Variants in SLC24A4 observed in about 807,000 individuals in gnomAD.
SLC24A4 encodes solute carrier family 24 member 4.
Under a neutral mutation model 79.0 loss-of-function variants are expected in SLC24A4, and 53 were observed. The observed-to-expected ratio is 0.67, with a 90% CI of 0.54 to 0.84. The LOEUF (loss-of-function observed/expected upper bound fraction) is 0.84, where lower values mean the gene tolerates loss of function less well. Among genes scored for constraint, SLC24A4 ranks in the 40% least tolerant of loss-of-function variants. The pLI is 0.00. For missense variants in SLC24A4, 731 were observed against 822.0 expected, an observed-to-expected ratio of 0.89 and a Z score of 1.35; for synonymous variants, 323 against 323.8, an observed-to-expected ratio of 1.00 and a Z score of 0.03.
chr14:92,442,023 G>T, intron 4 of SLC24A4, 66 bp from the exon 5 acceptor site: 1 of 1,296,910 alleles, frequency 7.7e-7, no homozygotes. Context: ...CTTGGCTGTA[G>T]AGCGTCCAGT....
chr14:92,496,962 A>C lies in SLC24A4; in HGVS notation c.*3334A>C, dbSNP rs1349211773. The C allele has an allele frequency of 6.6e-6, 1 of 152,074 alleles. No individual in the cohort carries two copies. The allele number at this position is 152,074 out of a possible 1,614,324, so 9.4% of individuals were successfully genotyped here. A position where few individuals can be genotyped will look rare whatever the true frequency, so the allele number is the denominator to read the frequency against. On this transcript the variant is annotated 3_prime_UTR_variant, in exon 17 of 17. Coordinates refer to ENST00000532405, the MANE Select transcript of SLC24A4 (RefSeq NM_153646.4). ...ATTACAGGCGTGCGCCACCACACCCAGCTAATTTTTGTATTTTTAGTAGAG... is the reference window on the plus strand; with the variant it reads ...ATTACAGGCGTGCGCCACCACACCCCGCTAATTTTTGTATTTTTAGTAGAG...
intron 2 of SLC24A4, among the ~76,000 whole-genome samples, chr14:92,389,567 T>A (rs1258935251): frequency 1.3e-5 from 2 of 152,166 alleles, no homozygotes; most frequent in Non-Finnish European, 1.5e-5. Flanking sequence ...GGGGCTTTGC[T>A]GTTCTCCCTT....
In SLC24A4 at chr14:92,368,190, C is replaced by T. The variant is rs144469475; in HGVS notation, c.241+42212C>T. Among the ~76,000 whole-genome samples the T allele has an allele frequency of 3.9e-5, 6 of 152,288 alleles. No homozygotes were observed. In the East Asian group the frequency reaches 9.6e-4, roughly 24 times the overall value. On this transcript the variant is annotated intron_variant, in intron 2 of 16. Coordinates refer to ENST00000532405, the MANE Select transcript of SLC24A4 (RefSeq NM_153646.4). ...ACCTTTGGGATTATCTTTTATCCCT[C>T]CAGACAGAAACAATGGGCAATTCAT...
In SLC24A4 at chr14:92,456,466, C is replaced by G. The variant is rs145503578; in HGVS notation, c.1113C>G (p.His371Gln). 1.9e-6 allele frequency: 3 copies of G among 1,614,082 alleles called. No homozygotes were observed. The highest frequency in any genetic ancestry group is 1.7e-5 in the Admixed American group (1 of 59,998). The change falls in exon 12 of 17, where the codon CAC becomes CAG. Residue 371 changes from histidine to glutamine, a missense_variant. His to Gln is a conservative substitution (Grantham distance 24). Transcript: ENST00000532405. Reference protein sequence around the residue: ...VSSKPLQNGRHENIENGNVPV... With the variant: ...VSSKPLQNGRQENIENGNVPV... Reference sequence around the variant, plus strand: ...GTAAGCCGCTTCAAAACGGGAGGCACGAGAACATTGAGAACGGGAATGTTC... The same window carrying G: ...GTAAGCCGCTTCAAAACGGGAGGCAGGAGAACATTGAGAACGGGAATGTTC...
chr14:92,390,307 T>C (rs972603512), intron 2 of SLC24A4, among the ~76,000 whole-genome samples: 1 of 151,690 alleles, frequency 6.6e-6, no homozygotes, highest in African/African-American at 2.4e-5. Context: ...CATCGAGCCT[T>C]CCCCCAAGCA....
At chr14:92,397,819 G>C (rs1889862834) in intron 2 of SLC24A4, among the ~76,000 whole-genome samples, 1 of 152,224 alleles carries the variant, frequency 6.6e-6, no homozygotes, top group Non-Finnish European at 1.5e-5. Flanking sequence ...ACCTGGCAGA[G>C]GGGCTTTTCC....
Position 92,442,058 on chromosome 14 carries a change from C to T in SLC24A4, c.394-31C>T, listed in dbSNP as rs367544044. 26 of 1,581,724 alleles carry T rather than the reference C, an allele frequency of 1.6e-5. No individual in the cohort carries two copies. In the African/African-American group the frequency reaches 3.2e-4, roughly 20 times the overall value. On this transcript the variant is annotated intron_variant, in intron 4 of 16. Transcript: ENST00000532405. ...TGATGTCCAGTACCCCCACGTCACA[C>T]CCTGAGGGTCTGTGGTCACTTCCGT...
rs563190196 is a variant in SLC24A4 at position 92,335,993 on chromosome 14, G to A, written c.241+10015G>A. Among the ~76,000 whole-genome samples the A allele has an allele frequency of 4.6e-5, 7 of 152,232 alleles. 1 individual carries two copies. The highest frequency in any genetic ancestry group is 1.4e-4 in the African/African-American group (6 of 41,516). On this transcript the variant is annotated intron_variant, in intron 2 of 16. Transcript: ENST00000532405. ...TTCTAATACCAATTTGTTTGCAATC[G>A]GAAGTTTTTTTGGCCTCATCCAAAT...
At position 92,378,132 on chromosome 14, in the gene SLC24A4, CTCTTT is replaced by C. The variant is rs368418281; in HGVS notation, c.241+52161_241+52165del. Among the ~76,000 whole-genome samples, 991 of 152,254 alleles carry C rather than the reference CTCTTT, an allele frequency of 6.5e-3. 12 individuals are homozygous for C. Among genetic ancestry groups the C allele is most frequent in the African/African-American group, 0.022 (927 of 41,542 alleles). ...TTTTGTTGCGGGTGGCAATAGTTCA[CTCTTT>C]TCTTTTGCTCTGTAGAATTCCATGG... is the stretch of plus-strand genomic sequence containing the variant. On this transcript the variant is annotated intron_variant, in intron 2 of 16. Transcript: ENST00000532405.
intron 8 of SLC24A4, among the ~76,000 whole-genome samples, chr14:92,447,046 G>A (rs1892833977): frequency 6.6e-6 from 1 of 152,162 alleles, no homozygotes; most frequent in Middle Eastern, 3.2e-3. Context: ...TTCAGGCCAC[G>A]CCACTAGCCT....
chr14:92,493,826 C>G lies in SLC24A4; in HGVS notation c.*198C>G. On this transcript the variant is annotated 3_prime_UTR_variant, in exon 17 of 17. Transcript: ENST00000532405. ...GGGCATCCTCCTCCTCCTTGGAGTT[C>G]CGCCCCTGCAAGGCTGGATTTGGGG... 1 of 658,056 alleles carries G rather than the reference C, an allele frequency of 1.5e-6. No individual in the cohort carries two copies. Among genetic ancestry groups the G allele is most frequent in the Non-Finnish European group, 2.5e-6 (1 of 395,592 alleles). The allele number at this position is 658,056 out of a possible 1,614,324, so 40.8% of individuals were successfully genotyped here. A position where few individuals can be genotyped will look rare whatever the true frequency, so the allele number is the denominator to read the frequency against.
chr14:92,335,073 G>A (rs1046683797), intron 2 of SLC24A4, among the ~76,000 whole-genome samples: 4 of 152,138 alleles, frequency 2.6e-5, no homozygotes, highest in African/African-American at 7.2e-5. Context: ...TCCAAGTCAC[G>A]CGGCCAACAA....
At chr14:92,464,493 C>A (rs1311305184) in intron 12 of SLC24A4, among the ~76,000 whole-genome samples, 2 of 152,194 alleles carry the variant, frequency 1.3e-5, no homozygotes, top group African/African-American at 2.4e-5. Context: ...ATGCCAGCAA[C>A]AAGAAGCCCA....
At chr14:92,472,482 G>A (rs1157000637) in intron 12 of SLC24A4, among the ~76,000 whole-genome samples, 4 of 152,082 alleles carry the variant, frequency 2.6e-5, no homozygotes, top group Non-Finnish European at 5.9e-5. Flanking sequence ...TCCCACTTAT[G>A]AGTGAGAACA....
At chr14:92,464,339 C>T (rs1468410118) in intron 12 of SLC24A4, among the ~76,000 whole-genome samples, 1 of 152,056 alleles carries the variant, frequency 6.6e-6, no homozygotes, top group Admixed American at 6.5e-5. Flanking sequence ...GGCCACCTGC[C>T]CTGGAAATCC....
In SLC24A4 at chr14:92,323,868, G is replaced by T. The variant is rs762360979; in HGVS notation, c.38G>T (p.Arg13Leu). Residue 13 changes from arginine (R) to leucine (L), a missense_variant, in exon 1 of 17, where the codon CGC becomes CTC. Transcript: ENST00000532405. This position sits in a 1 kb window ranked among gnomAD's most constrained non-coding sequence, Gnocchi z 4.9. Reference protein sequence around the residue: ...LRGTLRPLKVRRRREMLPQQV... With the variant: ...LRGTLRPLKVLRRREMLPQQV... The stretch of plus-strand genomic sequence containing the variant: ...GGGACCCTCCGGCCGCTCAAAGTTC[G>T]CAGGAGGCGAGAGATGCTGCCGCAG... 11 of 1,601,162 alleles carry T rather than the reference G, an allele frequency of 6.9e-6. No individual in the cohort carries two copies. The highest frequency in any genetic ancestry group is 9.3e-6 in the Non-Finnish European group (11 of 1,178,790).
intron 3 of SLC24A4, among the ~76,000 whole-genome samples, chr14:92,436,466 A>G (rs369204539): frequency 1.4e-5 from 2 of 148,012 alleles, no homozygotes; most frequent in African/African-American, 5.0e-5. Context: ...TTTTATTGGA[A>G]CACTGCAACA....
At chr14:92,335,583 G>A (rs892976114) in intron 2 of SLC24A4, among the ~76,000 whole-genome samples, 12 of 151,468 alleles carry the variant, frequency 7.9e-5, no homozygotes, top group African/African-American at 2.4e-4. Context: ...GGCTGGTCTC[G>A]AACTCCTGAC....
Position 92,496,985 on chromosome 14 carries a change from G to C in SLC24A4, c.*3357G>C, listed in dbSNP as rs755479842. On this transcript the variant is annotated 3_prime_UTR_variant, in exon 17 of 17. Coordinates refer to ENST00000532405, the MANE Select transcript of SLC24A4 (RefSeq NM_153646.4). ...CCAGCTAATTTTTGTATTTTTAGTA[G>C]AGACGGGTTTTCACCATGTTGGCCA... is the stretch of plus-strand genomic sequence containing the variant. 1 of 152,150 alleles carries C rather than the reference G, an allele frequency of 6.6e-6. No homozygotes were observed. Among genetic ancestry groups the C allele is most frequent in the Non-Finnish European group, 1.5e-5 (1 of 68,082 alleles). The allele number at this position is 152,150 out of a possible 1,614,324, so 9.4% of individuals were successfully genotyped here.
Sources: gnomAD v4.1 joint callset for allele counts (sites outside exome capture counted in the v4.1 genomes callset) on GRCh38, gnomAD v4.1.1 for gene constraint, Gnocchi (gnomAD v3.1) non-coding constraint, MANE v1.5 for transcripts, NCBI Gene and HGNC (gene_info 2026-07-23, HGNC 2026-07-21) for gene names.